Variants in SERPINB4 observed in about 807,000 individuals in gnomAD.
SERPINB4 encodes serpin family B member 4.
A neutral mutation model predicts 33.2 loss-of-function variants in SERPINB4; 39 were observed. The ratio of observed to expected loss-of-function variants is 1.18; its 90% confidence interval spans 0.91 to 1.53. The LOEUF (loss-of-function observed/expected upper bound fraction) is 1.53, where lower values mean the gene tolerates loss of function less well. Ranked by LOEUF, SERPINB4 falls within the 40% of genes most tolerant of loss-of-function variation. The pLI is 0.00. For synonymous variants in SERPINB4, 191 were observed against 166.4 expected, an observed-to-expected ratio of 1.15 and a Z score of -1.14; for missense variants, 564 against 455.4, an observed-to-expected ratio of 1.24 and a Z score of -2.17.
Position 63,639,723 on chromosome 18 carries a change from C to G in SERPINB4, c.523G>C (p.Val175Leu). 1.2e-6 allele frequency: 2 copies of G among 1,611,694 alleles called. No individual in the cohort carries two copies. Among genetic ancestry groups the G allele is most frequent in the Non-Finnish European group, 1.7e-6 (2 of 1,178,206 alleles). The change falls in exon 6 of 8, where the codon GTT (valine) becomes CTT (leucine). Residue 175 changes from valine to leucine, a missense_variant. Transcript: ENST00000341074. ...DGTIGNDTTL[V>L]LVNAIYFKGQ... ...TTGAAATAGATTGCGTTCACAAGAA[C>G]CAGTGTCGTATCATTGCCAATAGTC...
intron 4 of SERPINB4, among the ~76,000 whole-genome samples, chr18:63,641,327 C>G (rs1461399726): frequency 6.6e-6 from 1 of 152,100 alleles, no homozygotes; most frequent in Non-Finnish European, 1.5e-5. Context: ...TGTTTCTGAT[C>G]TTTGTTTTTG....
intron 5 of SERPINB4, 36 bp from the exon 6 acceptor site, chr18:63,639,812 G>A: frequency 6.4e-7 from 1 of 1,562,838 alleles, no homozygotes; most frequent in Non-Finnish European, 8.7e-7. Context: ...TTTTACACAA[G>A]CTACAAATGG....
At position 63,639,674 on chromosome 18, in the gene SERPINB4, T is replaced by C; in HGVS notation, c.572A>G (p.Lys191Arg). 1 of 1,611,198 alleles carries C rather than the reference T, an allele frequency of 6.2e-7. No homozygotes were observed. Among genetic ancestry groups the C allele is most frequent in the Non-Finnish European group, 8.5e-7 (1 of 1,177,896 alleles). Residue 191 changes from lysine (K) to arginine (R), a missense_variant, in exon 6 of 8, where the codon AAA becomes AGA. Coordinates refer to ENST00000341074, the MANE Select transcript of SERPINB4 (RefSeq NM_002974.4). ...YFKGQWENKFKKENTKEEKFW... is the reference protein window; with the variant it reads ...YFKGQWENKFRKENTKEEKFW... Reference sequence around the variant, plus strand: ...TTTTTCCTCTTTAGTGTTTTCTTTTTTAAATTTATTCTCCCACTGCCCTTT... The same window carrying C: ...TTTTTCCTCTTTAGTGTTTTCTTTTCTAAATTTATTCTCCCACTGCCCTTT...
intron 3 of SERPINB4, chr18:63,642,854 C>G (rs1040902811): frequency 3.3e-6 from 1 of 305,434 alleles, no homozygotes; most frequent in African/African-American, 2.1e-5. Context: ...GGGATGAGGT[C>G]ACTGGGACTC....
In SERPINB4 at chr18:63,637,384, AGAAAGTAT is replaced by A. The variant is rs1397890585; in HGVS notation, c.*327_*334del. On this transcript the variant is annotated 3_prime_UTR_variant, in exon 8 of 8. Transcript: ENST00000341074. ...TGTTTCTAGGTTGCTAAATTTGAAGAGAAAGTATGATTTGGTTTGGTTCATTTAAAACA... is the reference window on the plus strand; with the variant it reads ...TGTTTCTAGGTTGCTAAATTTGAAGAGATTTGGTTTGGTTCATTTAAAACA... 1.5e-5 allele frequency: 3 copies of A among 193,784 alleles called. No homozygotes were observed. Among genetic ancestry groups the A allele is most frequent in the Non-Finnish European group, 3.1e-5 (3 of 95,954 alleles). The allele number at this position is 193,784 out of a possible 1,614,324, so 12.0% of individuals were successfully genotyped here. A position where few individuals can be genotyped will look rare whatever the true frequency, so the allele number is the denominator to read the frequency against.
chr18:63,639,178 T>A lies in SERPINB4; in HGVS notation c.768+7A>T. 6.3e-7 allele frequency: 1 copy of A among 1,596,540 alleles called. No homozygotes were observed. Among genetic ancestry groups the A allele is most frequent in the South Asian group, 1.1e-5 (1 of 88,468 alleles). The stretch of plus-strand genomic sequence containing the variant: ...TAGAAGGAAGAGTTGTAGATGCAAG[T>A]TCTTACCTTCTGCAGACCATCGATT... On this transcript the variant is annotated splice_region_variant and intron_variant, in intron 7 of 7. Coordinates refer to ENST00000341074, the MANE Select transcript of SERPINB4 (RefSeq NM_002974.4).
At chr18:63,643,687 T>C (rs1913218746) in intron 1 of SERPINB4, 84 bp from the exon 2 acceptor site, 2 of 1,437,418 alleles carry the variant, frequency 1.4e-6, no homozygotes, top group Admixed American at 2.2e-5. Flanking sequence ...AGAAATGATA[T>C]ATCTGGGTTG....
In SERPINB4 at chr18:63,637,399, G is replaced by C. The variant is rs1402958666; in HGVS notation, c.*320C>G. 4.7e-6 allele frequency: 1 copy of C among 214,978 alleles called. No homozygotes were observed. The highest frequency in any genetic ancestry group is 9.8e-5 in the East Asian group (1 of 10,224). The allele number at this position is 214,978 out of a possible 1,614,324, so 13.3% of individuals were successfully genotyped here. A position where few individuals can be genotyped will look rare whatever the true frequency, so the allele number is the denominator to read the frequency against. ...AAATTTGAAGAGAAAGTATGATTTG[G>C]TTTGGTTCATTTAAAACAGGTCAGA... On this transcript the variant is annotated 3_prime_UTR_variant, in exon 8 of 8. Coordinates refer to ENST00000341074, the MANE Select transcript of SERPINB4 (RefSeq NM_002974.4).
At position 63,637,847 on chromosome 18, in the gene SERPINB4, C is replaced by T. The variant is rs779832171; in HGVS notation, c.1045G>A (p.Val349Ile). 20 of 1,613,512 alleles carry T rather than the reference C, an allele frequency of 1.2e-5. No homozygotes were observed. Among genetic ancestry groups the T allele is most frequent in the South Asian group, 8.8e-5 (8 of 91,068 alleles). Reference sequence around the variant, plus strand: ...GGAGATGATAATTCGACTACTACTACAGCGGTGGCAGCTGCAGCTTCCACT... The same window carrying T: ...GGAGATGATAATTCGACTACTACTATAGCGGTGGCAGCTGCAGCTTCCACT... ...EGVEAAAATA[V>I]VVVELSSPST... The change falls in exon 8 of 8, where the codon GTA becomes ATA. Residue 349 changes from valine to isoleucine, a missense_variant. Transcript: ENST00000341074.
In SERPINB4 at chr18:63,642,019, A is replaced by C. The variant is rs1042394468; in HGVS notation, c.223-131T>G. 6.4e-5 allele frequency: 87 copies of C among 1,349,062 alleles called. 1 individual carries two copies. The highest frequency in any genetic ancestry group is 2.6e-4 in the East Asian group (11 of 42,844). The allele number at this position is 1,349,062 out of a possible 1,614,324, so 83.6% of individuals were successfully genotyped here. A position where few individuals can be genotyped will look rare whatever the true frequency, so the allele number is the denominator to read the frequency against. ...GGACCTTTGATGTTATTCCCTGATA[A>C]TTGGTGTATTTCACCTCAAATACCC... On this transcript the variant is annotated intron_variant, in intron 3 of 7. Transcript: ENST00000341074.
rs745461188 is a variant in SERPINB4 at position 63,639,316 on chromosome 18, T to A, written c.637A>T (p.Met213Leu). 3.7e-6 allele frequency: 6 copies of A among 1,611,902 alleles called. No homozygotes were observed. The African/African-American group carries it at 8.0e-5, about 22-fold the overall frequency. ...NKNTYKSVQM[M>L]RQYNSFNFAL... ...AAATTAAAGGAATTGTATTGCCTCA[T>A]CATCTGTACAGATTTGTATGTATTC... The change falls in exon 7 of 8, where the codon ATG (methionine) becomes TTG (leucine). Residue 213 changes from methionine (M) to leucine (L), a missense_variant. Physicochemically the swap from Met to Leu is conservative, Grantham distance 15. Transcript: ENST00000341074.
At chr18:63,640,782 A>T in intron 5 of SERPINB4, 92 bp downstream of exon 5, 1 of 1,093,134 alleles carries the variant, frequency 9.1e-7, no homozygotes, top group East Asian at 2.4e-5. Context: ...ACCCATCTCA[A>T]TCCCCACACC....
rs540237284 is a variant in SERPINB4 at position 63,639,976 on chromosome 18, A to G, written c.470-200T>C. On this transcript the variant is annotated intron_variant, in intron 5 of 7. Coordinates refer to ENST00000341074, the MANE Select transcript of SERPINB4 (RefSeq NM_002974.4). ...GCTTTCTTCAAGGCTCCAGTCGTAT[A>G]AAGTTACCCTTGATGGAGACATCAC... 1.5e-3 allele frequency among the ~76,000 whole-genome samples: 222 copies of G among 150,078 alleles called. 3 individuals are homozygous for G. Among genetic ancestry groups the G allele is most frequent in the Non-Finnish European group, 2.7e-3 (186 of 67,968 alleles).
At position 63,639,675 on chromosome 18, in the gene SERPINB4, T is replaced by A. The variant is rs750403995; in HGVS notation, c.571A>T (p.Lys191Ter). ...YFKGQWENKFKKENTKEEKFW... is the reference protein window; with the variant it reads ...YFKGQWENKF ...TTTTCCTCTTTAGTGTTTTCTTTTTTAAATTTATTCTCCCACTGCCCTTTG... is the reference window on the plus strand; with the variant it reads ...TTTTCCTCTTTAGTGTTTTCTTTTTAAAATTTATTCTCCCACTGCCCTTTG... The change falls in exon 6 of 8, where the codon AAA becomes TAA. Residue 191 changes from lysine (K) to a stop codon, truncating the protein, a stop_gained. Transcript: ENST00000341074. LOFTEE classifies it high-confidence loss of function. The A allele has an allele frequency of 6.2e-7, 1 of 1,611,278 alleles. No individual in the cohort carries two copies. The highest frequency in any genetic ancestry group is 1.7e-5 in the Admixed American group (1 of 59,830).
In SERPINB4 at chr18:63,639,731, G is replaced by A. The variant is rs371564737; in HGVS notation, c.515C>T (p.Thr172Met). 34 of 1,610,942 alleles carry A rather than the reference G, an allele frequency of 2.1e-5. No homozygotes were observed. Among genetic ancestry groups the A allele is most frequent in the African/African-American group, 1.9e-4 (14 of 74,756 alleles). ...LFPDGTIGND[T>M]TLVLVNAIYF... is the part of the protein sequence containing the mutation. ...GATTGCGTTCACAAGAACCAGTGTC[G>A]TATCATTGCCAATAGTCCCATCAGG... Residue 172 changes from threonine to methionine, a missense_variant, in exon 6 of 8, where the codon ACG (threonine) becomes ATG (methionine). Transcript: ENST00000341074.
rs745461188 is a variant in SERPINB4, at chr18:63,639,316, T to C, written c.637A>G (p.Met213Val). ...AAATTAAAGGAATTGTATTGCCTCA[T>C]CATCTGTACAGATTTGTATGTATTC... The part of the protein sequence containing the change: ...NKNTYKSVQM[M>V]RQYNSFNFAL... The change falls in exon 7 of 8, where the codon ATG becomes GTG. Residue 213 changes from methionine to valine, a missense_variant. Physicochemically the swap from Met to Val is conservative, Grantham distance 21. Coordinates refer to ENST00000341074, the MANE Select transcript of SERPINB4 (RefSeq NM_002974.4). The C allele has an allele frequency of 2.5e-6, 4 of 1,612,020 alleles. No homozygotes were observed. The African/African-American group carries it at 4.0e-5, about 16-fold the overall frequency.
At chr18:63,643,048 T>G in intron 3 of SERPINB4, 113 bp downstream of exon 3, 1 of 1,293,400 alleles carries the variant, frequency 7.7e-7, no homozygotes, top group Non-Finnish European at 1.1e-6. Context: ...TCTCAATCTT[T>G]GTGTCCAAGA....
In SERPINB4 at chr18:63,641,826, G is replaced by A. The variant is rs2144472774; in HGVS notation, c.285C>T (p.Ser95=). ...CGATCTTCAGCTCATATGCATCAGT[G>A]GATTTGTTGAATTCAGTCAGAAGCT... The part of the protein sequence containing the change: ...FQKLLTEFNK[S]TDAYELKIAN... Residue 95 remains serine, a synonymous_variant, in exon 4 of 8, where the codon TCC becomes TCT. Transcript: ENST00000341074. 2 of 1,613,348 alleles carry A rather than the reference G, an allele frequency of 1.2e-6. No homozygotes were observed. The highest frequency in any genetic ancestry group is 1.7e-4 in the Middle Eastern group (1 of 6,048).
chr18:63,638,833 G>T (rs1251780858), intron 7 of SERPINB4, among the ~76,000 whole-genome samples: 2 of 107,774 alleles, frequency 1.9e-5, no homozygotes, highest in Admixed American at 1.2e-4. Context: ...AGGGGGGAGG[G>T]ATAGCATTAG....
Sources: allele counts gnomAD v4.1 joint callset (sites outside exome capture counted in the v4.1 genomes callset), GRCh38; gene constraint gnomAD v4.1.1; transcripts MANE v1.5; gene names NCBI Gene and HGNC (gene_info 2026-07-23, HGNC 2026-07-21).